Variants in CSNK1G3 observed in about 807,000 individuals in gnomAD.
CSNK1G3 encodes casein kinase 1 gamma 3.
Under a neutral mutation model 64.3 loss-of-function variants are expected in CSNK1G3, and 23 were observed. The observed-to-expected ratio is 0.36, with a 90% CI of 0.26 to 0.51. The LOEUF is 0.51. CSNK1G3 is among the 20% of genes least tolerant of loss of function. The probability of loss-of-function intolerance (pLI) is 0.96; values close to 1 mark genes in which losing one functional copy is unlikely to be tolerated. For missense variants in CSNK1G3, 357 were observed against 510.5 expected, an observed-to-expected ratio of 0.70 and a Z score of 2.90; for synonymous variants, 158 against 162.2, an observed-to-expected ratio of 0.97 and a Z score of 0.20.
intron 3 of CSNK1G3, among the ~76,000 whole-genome samples, chr5:123,556,811 C>CA (rs1343194842): frequency 7.0e-6 from 1 of 142,592 alleles, no homozygotes; most frequent in Non-Finnish European, 1.6e-5. Flanking sequence ...ATATGAATCT[C>CA]AAAAACATTT....
chr5:123,602,811 T>A (rs1794721965), intron 10 of CSNK1G3, among the ~76,000 whole-genome samples: 1 of 152,100 alleles, frequency 6.6e-6, no homozygotes, highest in Admixed American at 6.6e-5. Context: ...AAGCCATCAT[T>A]ATAGATAAAA....
chr5:123,594,833 T>G (rs934642243), intron 10 of CSNK1G3, among the ~76,000 whole-genome samples: 1 of 152,224 alleles, frequency 6.6e-6, no homozygotes, highest in African/African-American at 2.4e-5. Context: ...CTATTTTATT[T>G]TTATTGTTGA....
chr5:123,562,760 T>G (rs1786022125), intron 4 of CSNK1G3, among the ~76,000 whole-genome samples: 1 of 152,040 alleles, frequency 6.6e-6, no homozygotes, highest in Non-Finnish European at 1.5e-5. Context: ...GTGAGAATTT[T>G]TTAATTAATG....
At chr5:123,591,453 G>A (rs781404707) in intron 10 of CSNK1G3, 39 bp downstream of exon 10, 1 of 1,333,036 alleles carries the variant, frequency 7.5e-7, no homozygotes, top group East Asian at 2.4e-5. Flanking sequence ...TTCCTTTCAT[G>A]ATTGAAACAT....
intron 2 of CSNK1G3, among the ~76,000 whole-genome samples, chr5:123,550,938 T>C (rs1316665142): frequency 6.6e-6 from 1 of 152,180 alleles, no homozygotes; most frequent in African/African-American, 2.4e-5. Flanking sequence ...GCAACATCTC[T>C]AGTATTCAAA....
At chr5:123,523,790 G>T (rs1220572841) in intron 1 of CSNK1G3, among the ~76,000 whole-genome samples, 1 of 152,126 alleles carries the variant, frequency 6.6e-6, no homozygotes, top group Non-Finnish European at 1.5e-5. Flanking sequence ...TGTGTGTTTG[G>T]TACAAATTGA....
chr5:123,599,538 C>T (rs773079198), intron 10 of CSNK1G3, among the ~76,000 whole-genome samples: 44 of 152,214 alleles, frequency 2.9e-4, no homozygotes, highest in Middle Eastern at 3.4e-3. Context: ...GATAATAAAA[C>T]GTGATTAAAA....
intron 4 of CSNK1G3, among the ~76,000 whole-genome samples, chr5:123,571,079 G>A (rs753801892): frequency 7.2e-5 from 11 of 152,276 alleles, no homozygotes; most frequent in Admixed American, 3.9e-4. Context: ...ATCTAAGAGT[G>A]GCTGTGGTAG....
intron 4 of CSNK1G3, among the ~76,000 whole-genome samples, chr5:123,573,031 C>G (rs902095106): frequency 2.0e-5 from 3 of 152,194 alleles, no homozygotes; most frequent in African/African-American, 7.2e-5. Flanking sequence ...AGTAGTGACT[C>G]TCTTTTCAGT....
chr5:123,583,377 T>A (rs78218968), intron 6 of CSNK1G3, among the ~76,000 whole-genome samples: 2 of 119,990 alleles, frequency 1.7e-5, no homozygotes, highest in African/African-American at 3.4e-5. Flanking sequence ...TTTTTTTTTT[T>A]GAGACTGAGT....
intron 4 of CSNK1G3, among the ~76,000 whole-genome samples, chr5:123,571,863 T>G (rs1407025409): frequency 6.6e-6 from 1 of 152,150 alleles, no homozygotes; most frequent in Non-Finnish European, 1.5e-5. Flanking sequence ...AGTGTCAAAC[T>G]AAATAATAGG....
chr5:123,519,200 G>T (rs1777673684), intron 1 of CSNK1G3, among the ~76,000 whole-genome samples: 1 of 151,842 alleles, frequency 6.6e-6, no homozygotes, highest in African/African-American at 2.4e-5. Flanking sequence ...ATTACAGGCA[G>T]TCGCCACCTT....
intron 4 of CSNK1G3, among the ~76,000 whole-genome samples, chr5:123,565,955 T>G (rs139876695): frequency 6.6e-6 from 1 of 152,262 alleles, no homozygotes; most frequent in African/African-American, 2.4e-5. Context: ...AACGTAAGAT[T>G]TAGAGGGGAC....
At chr5:123,540,059 C>A (rs928274300) in intron 1 of CSNK1G3, among the ~76,000 whole-genome samples, 4 of 151,966 alleles carry the variant, frequency 2.6e-5, no homozygotes, top group Non-Finnish European at 2.9e-5. Flanking sequence ...ATTTCGTTGA[C>A]CTTTTTCAAA....
chr5:123,562,511 A>G (rs531994353), intron 4 of CSNK1G3, among the ~76,000 whole-genome samples: 18 of 152,210 alleles, frequency 1.2e-4, no homozygotes, highest in Admixed American at 1.1e-3. Context: ...TGAAGTTGGG[A>G]TGTATAATCT....
intron 4 of CSNK1G3, among the ~76,000 whole-genome samples, chr5:123,567,436 A>G (rs1448714458): frequency 6.6e-6 from 1 of 152,082 alleles, no homozygotes; most frequent in Non-Finnish European, 1.5e-5. Context: ...CCCTGTCTCT[A>G]CTAAAAATAC....
chr5:123,547,816 A>C (rs1782840224), intron 2 of CSNK1G3, among the ~76,000 whole-genome samples: 1 of 152,008 alleles, frequency 6.6e-6, no homozygotes, highest in African/African-American at 2.4e-5. Context: ...TTCCTTTTTC[A>C]TAGACTTCTA....
chr5:123,589,948 T>C (rs528010361), intron 8 of CSNK1G3, among the ~76,000 whole-genome samples: 1 of 152,118 alleles, frequency 6.6e-6, no homozygotes, highest in East Asian at 1.9e-4. Context: ...CTCTATTAGT[T>C]AGTTGGTTTA....
chr5:123,575,640 A>G, intron 5 of CSNK1G3, 89 bp from the exon 6 acceptor site: 4 of 720,314 alleles, frequency 5.6e-6, no homozygotes, highest in Non-Finnish European at 4.7e-6. Context: ...TTTCTTTTGT[A>G]TGTTTTCATT....
Sources: allele counts gnomAD v4.1 joint callset (sites outside exome capture counted in the v4.1 genomes callset), GRCh38; gene constraint gnomAD v4.1.1; transcripts MANE v1.5; gene names NCBI Gene and HGNC (gene_info 2026-07-23, HGNC 2026-07-21).